MC2R: variants seen among roughly 807,000 people sequenced by gnomAD.
The protein encoded by MC2R is melanocortin 2 receptor.
A neutral mutation model predicts 9.8 loss-of-function variants in MC2R; 9 were observed. The observed-to-expected ratio is 0.92, with a 90% CI of 0.55 to 1.60. MC2R has a LOEUF of 1.60. MC2R is among the 40% of genes most tolerant of loss of function. The probability of loss-of-function intolerance (pLI) is 0.00; values close to 1 mark genes in which losing one functional copy is unlikely to be tolerated. For synonymous variants in MC2R, 185 were observed against 154.7 expected, an observed-to-expected ratio of 1.20 and a Z score of -1.45; for missense variants, 370 against 389.0, an observed-to-expected ratio of 0.95 and a Z score of 0.41.
At chr18:13,907,796 T>C (rs888764596) in intron 1 of MC2R, among the ~76,000 whole-genome samples, 1 of 152,078 alleles carries the variant, frequency 6.6e-6, no homozygotes, top group African/African-American at 2.4e-5. Flanking sequence ...GCATCACTAA[T>C]CATCAGAGAA....
At chr18:13,895,553 G>A (rs942388584) in intron 1 of MC2R, among the ~76,000 whole-genome samples, 1 of 152,142 alleles carries the variant, frequency 6.6e-6, no homozygotes, top group Non-Finnish European at 1.5e-5. Flanking sequence ...GGGCAGGCAA[G>A]GACCCTCTGC....
chr18:13,883,640 C>CTA lies in MC2R; in HGVS notation c.*984_*985insTA, dbSNP rs2045251407. ...ACACACACACACACTCTCTCTCTCT[C>CTA]TCTCTCTCTCTCTCTCTGTCTGTCT... On this transcript the variant is annotated 3_prime_UTR_variant, in exon 2 of 2. Coordinates refer to ENST00000327606, the MANE Select transcript of MC2R (RefSeq NM_000529.2). 6.7e-6 allele frequency: 1 copy of CTA among 149,986 alleles called. No individual in the cohort carries two copies. Among genetic ancestry groups the CTA allele is most frequent in the African/African-American group, 2.5e-5 (1 of 39,530 alleles). The allele number at this position is 149,986 out of a possible 1,614,324, so 9.3% of individuals were successfully genotyped here. A position where few individuals can be genotyped will look rare whatever the true frequency, so the allele number is the denominator to read the frequency against.
At chr18:13,897,717 G>A (rs762819258) in intron 1 of MC2R, among the ~76,000 whole-genome samples, 3 of 152,034 alleles carry the variant, frequency 2.0e-5, no homozygotes, top group Non-Finnish European at 4.4e-5. Flanking sequence ...TCAGAGTTGT[G>A]AGGCTTCCAT....
chr18:13,902,750 A>G (rs1284905955), intron 1 of MC2R, among the ~76,000 whole-genome samples: 2 of 152,170 alleles, frequency 1.3e-5, no homozygotes, highest in Middle Eastern at 3.2e-3. Context: ...ACAATAAAAC[A>G]TTGGGGGAAA....
intron 1 of MC2R, among the ~76,000 whole-genome samples, chr18:13,895,372 C>G (rs2045340237): frequency 6.6e-6 from 1 of 152,130 alleles, no homozygotes; most frequent in Non-Finnish European, 1.5e-5. Context: ...AAATGGACAG[C>G]CTTCACTCTC....
intron 1 of MC2R, 131 bp from the exon 2 acceptor site, chr18:13,885,777 A>G (rs747902614): frequency 8.0e-5 from 38 of 475,502 alleles, no homozygotes; most frequent in Admixed American, 1.5e-4. Context: ...GAGCCTGCAC[A>G]TGTATGTTTA....
chr18:13,909,386 T>G (rs114357102), intron 1 of MC2R, among the ~76,000 whole-genome samples: 1,595 of 152,310 alleles, frequency 0.01, 25 homozygotes, highest in African/African-American at 0.037. Flanking sequence ...GTTTCCCCAC[T>G]GCAGTTAGTG....
At chr18:13,890,480 T>C (rs1340792904) in intron 1 of MC2R, among the ~76,000 whole-genome samples, 1 of 152,142 alleles carries the variant, frequency 6.6e-6, no homozygotes, top group Non-Finnish European at 1.5e-5. Context: ...AGTGTAGGAC[T>C]GTGCTCCTGA....
intron 1 of MC2R, among the ~76,000 whole-genome samples, chr18:13,910,392 CT>C (rs979579394): frequency 1.4e-4 from 22 of 152,102 alleles, no homozygotes; most frequent in African/African-American, 4.3e-4. Flanking sequence ...CTTTGTTGTT[CT>C]TTTTCACTGT....
chr18:13,907,192 G>T (rs563559855), intron 1 of MC2R, among the ~76,000 whole-genome samples: 262 of 152,154 alleles, frequency 1.7e-3, no homozygotes, highest in Non-Finnish European at 2.8e-3. Context: ...AAATGGAAGA[G>T]AATAAATAAC....
At chr18:13,905,118 A>C (rs2045405164) in intron 1 of MC2R, among the ~76,000 whole-genome samples, 2 of 152,204 alleles carry the variant, frequency 1.3e-5, no homozygotes, top group South Asian at 2.1e-4. Context: ...GAATAGGATA[A>C]ATTTTTTGCA....
intron 1 of MC2R, among the ~76,000 whole-genome samples, chr18:13,892,812 A>G (rs1232245506): frequency 7.4e-5 from 1 of 13,548 alleles, no homozygotes. Flanking sequence ...TGTTACACAC[A>G]CACACACACA....
In MC2R at chr18:13,884,134, T is replaced by C. The variant is rs28926183; in HGVS notation, c.*491A>G. The C allele has an allele frequency of 7.8e-3, 1,707 of 217,758 alleles. 30 individuals are homozygous for C. Among genetic ancestry groups the C allele is most frequent in the African/African-American group, 0.037 (1,623 of 43,650 alleles). 13.5% of individuals were successfully genotyped at this position (217,758 alleles called of 1,614,324 possible). A position where few individuals can be genotyped will look rare whatever the true frequency, so the allele number is the denominator to read the frequency against. On this transcript the variant is annotated 3_prime_UTR_variant, in exon 2 of 2. Transcript: ENST00000327606. ...ATTTATTATTGGCTTACAGAGACCCTACATCTTCTGCCTGGAGTCGCATGT... is the reference window on the plus strand; with the variant it reads ...ATTTATTATTGGCTTACAGAGACCCCACATCTTCTGCCTGGAGTCGCATGT...
chr18:13,889,730 A>T (rs1007813020), intron 1 of MC2R, among the ~76,000 whole-genome samples: 3 of 152,184 alleles, frequency 2.0e-5, no homozygotes, highest in Non-Finnish European at 4.4e-5. Flanking sequence ...AAAGGCTCCA[A>T]GGGTAAGGAG....
intron 1 of MC2R, among the ~76,000 whole-genome samples, chr18:13,885,914 T>A (rs186116724): frequency 6.6e-6 from 1 of 152,284 alleles, no homozygotes; most frequent in African/African-American, 2.4e-5. Flanking sequence ...AAGAATAAGG[T>A]CATGTCTTTT....
Position 13,885,253 on chromosome 18 carries a change from A to T in MC2R, c.266T>A (p.Met89Lys). Residue 89 changes from methionine to lysine, a missense_variant, in exon 2 of 2, where the codon ATG becomes AAG. Transcript: ENST00000327606. ...ACTGCCACGTGGCTTGAGATAGCCC[A>T]TGTTTCTCAATATGATCAGGATATT... ...LENILIILRN[M>K]GYLKPRGSFE... The T allele has an allele frequency of 1.2e-6, 2 of 1,614,142 alleles. No homozygotes were observed. Among genetic ancestry groups the T allele is most frequent in the Non-Finnish European group, 1.7e-6 (2 of 1,180,024 alleles).
chr18:13,906,904 G>T (rs553044106), intron 1 of MC2R, among the ~76,000 whole-genome samples: 36 of 152,282 alleles, frequency 2.4e-4, no homozygotes, highest in African/African-American at 8.7e-4. Flanking sequence ...AATATTCTAT[G>T]CTCATGGGTT....
chr18:13,901,875 C>T (rs909164611), intron 1 of MC2R, among the ~76,000 whole-genome samples: 2 of 152,216 alleles, frequency 1.3e-5, no homozygotes, highest in East Asian at 1.9e-4. Context: ...CTTCCAAACT[C>T]ATTCTACAAT....
At chr18:13,914,024 A>G (rs1359231607) in intron 1 of MC2R, among the ~76,000 whole-genome samples, 1 of 152,174 alleles carries the variant, frequency 6.6e-6, no homozygotes, top group African/African-American at 2.4e-5. Flanking sequence ...TTCCATAGGA[A>G]ACATACCTGG....
Sources: allele counts gnomAD v4.1 joint callset (sites outside exome capture counted in the v4.1 genomes callset), GRCh38; gene constraint gnomAD v4.1.1; transcripts MANE v1.5; gene names NCBI Gene and HGNC (gene_info 2026-07-23, HGNC 2026-07-21).